The following MACROD2 variants were observed in gnomAD, a reference collection of about 807,000 sequenced individuals.
MACROD2 encodes the protein mono-ADP ribosylhydrolase 2, also known as ADP-ribose glycohydrolase MACROD2.
A neutral mutation model predicts 70.4 loss-of-function variants in MACROD2; 36 were observed. The ratio of observed to expected loss-of-function variants is 0.51; its 90% confidence interval spans 0.39 to 0.68. The LOEUF (loss-of-function observed/expected upper bound fraction) is 0.68, where lower values mean the gene tolerates loss of function less well. MACROD2 is among the 30% of genes least tolerant of loss of function. The probability of loss-of-function intolerance (pLI) is 0.00; values close to 1 mark genes in which losing one functional copy is unlikely to be tolerated. For missense variants in MACROD2, 496 were observed against 538.4 expected (o/e 0.92, Z 0.78); for synonymous variants, 172 against 178.8 (o/e 0.96, Z 0.30).
At chr20:15,892,650 A>C (rs183788056) in intron 10 of MACROD2, among the ~76,000 whole-genome samples, 3 of 152,306 alleles carry the variant, frequency 2.0e-5, no homozygotes, top group Non-Finnish European at 4.4e-5. Flanking sequence ...AGAATTTCTA[A>C]ATTTATAAAA....
intron 5 of MACROD2, among the ~76,000 whole-genome samples, chr20:15,223,201 AT>A (rs1380393917): frequency 6.6e-6 from 1 of 152,104 alleles, no homozygotes; most frequent in Non-Finnish European, 1.5e-5. Flanking sequence ...CTGCCATCTC[AT>A]TTTCCATAGC....
intron 3 of MACROD2, among the ~76,000 whole-genome samples, chr20:14,292,244 C>G (rs1189213887): frequency 6.6e-6 from 1 of 151,880 alleles, no homozygotes; most frequent in East Asian, 1.9e-4. Context: ...TGAAGCACTA[C>G]AGGTAAAGGG....
intron 5 of MACROD2, among the ~76,000 whole-genome samples, chr20:14,852,199 G>A (rs2073206614): frequency 6.6e-6 from 1 of 152,102 alleles, no homozygotes. Context: ...TCTGGCCGAT[G>A]TGAGATCATC....
chr20:15,636,598 G>A (rs1600697906), intron 8 of MACROD2, among the ~76,000 whole-genome samples: 1 of 152,122 alleles, frequency 6.6e-6, no homozygotes. Context: ...AGCAAGCCCC[G>A]AAAAGACAAA....
At chr20:14,462,441 G>A (rs1318681409) in intron 3 of MACROD2, among the ~76,000 whole-genome samples, 1 of 152,064 alleles carries the variant, frequency 6.6e-6, no homozygotes, top group African/African-American at 2.4e-5. Flanking sequence ...TAAGCCCTTT[G>A]TCAGTTGAGT....
At chr20:15,530,447 T>A in intron 8 of MACROD2, among the ~76,000 whole-genome samples, 1 of 152,044 alleles carries the variant, frequency 6.6e-6, no homozygotes, top group African/African-American at 2.4e-5. Flanking sequence ...ATTAAGATAT[T>A]ATGGGCCAGG....
intron 8 of MACROD2, among the ~76,000 whole-genome samples, chr20:15,622,719 G>A (rs2049145948): frequency 6.6e-6 from 1 of 152,144 alleles, no homozygotes; most frequent in South Asian, 2.1e-4. Flanking sequence ...CCTCACGTTG[G>A]CACATCACAG....
intron 9 of MACROD2, among the ~76,000 whole-genome samples, chr20:15,884,036 G>A (rs778327524): frequency 2.6e-5 from 4 of 152,074 alleles, no homozygotes; most frequent in Non-Finnish European, 5.9e-5. Flanking sequence ...AAAGCTCTAT[G>A]TAGTAGGCAT....
intron 5 of MACROD2, among the ~76,000 whole-genome samples, chr20:14,788,218 C>A (rs2072398618): frequency 6.6e-6 from 1 of 151,998 alleles, no homozygotes; most frequent in Non-Finnish European, 1.5e-5. Context: ...TGAGCAGACA[C>A]ATTAGGGCGA....
intron 4 of MACROD2, among the ~76,000 whole-genome samples, chr20:14,560,687 A>G (rs1979376681): frequency 6.6e-6 from 1 of 151,908 alleles, no homozygotes; most frequent in East Asian, 1.9e-4. Context: ...CCATAGGTCT[A>G]TGAACATAAG....
At chr20:14,278,847 T>A (rs148942773) in intron 3 of MACROD2, among the ~76,000 whole-genome samples, 14 of 132,710 alleles carry the variant, frequency 1.1e-4, no homozygotes, top group Non-Finnish European at 2.2e-4. Flanking sequence ...TTATTTAAAT[T>A]TAAATACTAA....
At chr20:15,617,352 T>C (rs568211435) in intron 8 of MACROD2, among the ~76,000 whole-genome samples, 2 of 152,306 alleles carry the variant, frequency 1.3e-5, no homozygotes, top group African/African-American at 4.8e-5. Flanking sequence ...TTAACGTTTT[T>C]CCAGGATAGC....
chr20:15,337,348 C>T (rs990504929), intron 6 of MACROD2, among the ~76,000 whole-genome samples: 4 of 151,616 alleles, frequency 2.6e-5, no homozygotes, highest in African/African-American at 9.8e-5. Flanking sequence ...AGGGCCTGAT[C>T]TAGGAAAGAC....
intron 8 of MACROD2, among the ~76,000 whole-genome samples, chr20:15,601,743 T>C (rs959293303): frequency 8.5e-5 from 13 of 152,172 alleles, no homozygotes; most frequent in African/African-American, 2.7e-4. Flanking sequence ...AAAAGTGAAC[T>C]TGAGGCCAGG....
chr20:15,384,908 A>G (rs964730688), intron 6 of MACROD2, among the ~76,000 whole-genome samples: 5 of 152,174 alleles, frequency 3.3e-5, no homozygotes, highest in African/African-American at 1.2e-4. Context: ...ATTAGACACA[A>G]TAAGACCCCC....
At chr20:15,971,814 A>C (rs554127820) in intron 13 of MACROD2, among the ~76,000 whole-genome samples, 59 of 151,984 alleles carry the variant, frequency 3.9e-4, no homozygotes, top group Non-Finnish European at 7.2e-4. Context: ...TGGCTCAAGC[A>C]GGGTAAAATC....
chr20:15,830,755 A>G (rs2064046521), intron 8 of MACROD2, among the ~76,000 whole-genome samples: 1 of 152,242 alleles, frequency 6.6e-6, no homozygotes, highest in Non-Finnish European at 1.5e-5. Context: ...AAGTCATATT[A>G]TGAAAAGGAA....
At chr20:15,100,789 G>A (rs1341222984) in intron 5 of MACROD2, among the ~76,000 whole-genome samples, 1 of 152,064 alleles carries the variant, frequency 6.6e-6, no homozygotes, top group African/African-American at 2.4e-5. Context: ...GGGATGGTGT[G>A]AATTCCAGAA....
chr20:14,635,808 A>G (rs1365188712), intron 4 of MACROD2, among the ~76,000 whole-genome samples: 2 of 152,176 alleles, frequency 1.3e-5, no homozygotes, highest in Non-Finnish European at 2.9e-5. Context: ...AAAAATCAAG[A>G]AGATAAAAGC....
Sources: allele counts gnomAD v4.1 joint callset (sites outside exome capture counted in the v4.1 genomes callset), GRCh38; gene constraint gnomAD v4.1.1; transcripts MANE v1.5; gene names NCBI Gene and HGNC (gene_info 2026-07-23, HGNC 2026-07-21).